Variants in ATRN observed in about 807,000 individuals in gnomAD.
The protein encoded by ATRN is attractin.
Under a neutral mutation model 178.7 loss-of-function variants are expected in ATRN, and 54 were observed. The observed-to-expected ratio is 0.30, with a 90% CI of 0.24 to 0.38. The LOEUF (loss-of-function observed/expected upper bound fraction) is 0.38. ATRN is among the 10% of genes least tolerant of loss of function. The probability of loss-of-function intolerance (pLI) is 1.00; values close to 1 mark genes in which losing one functional copy is unlikely to be tolerated. For missense variants in ATRN, 1,443 were observed against 1,815.1 expected (o/e 0.79, Z 3.73); for synonymous variants, 636 against 663.0 (o/e 0.96, Z 0.63).
intron 6 of ATRN, among the ~76,000 whole-genome samples, chr20:3,554,937 G>A (rs117485040): frequency 0.02 from 2,857 of 145,544 alleles, 95 homozygotes; most frequent in East Asian, 0.15. Context: ...TAGCATCACC[G>A]AATCCAATAA....
At chr20:3,510,479 G>T (rs1423436762) in intron 1 of ATRN, among the ~76,000 whole-genome samples, 7 of 152,068 alleles carry the variant, frequency 4.6e-5, no homozygotes, top group African/African-American at 1.4e-4. Flanking sequence ...GTAGTTTGCC[G>T]GTCCCTGATT....
chr20:3,631,804 T>A (rs1415509308), intron 25 of ATRN, among the ~76,000 whole-genome samples: 1 of 152,204 alleles, frequency 6.6e-6, no homozygotes, highest in Non-Finnish European at 1.5e-5. Flanking sequence ...TTCATGCTCT[T>A]CCTTGTGGAT....
intron 1 of ATRN, among the ~76,000 whole-genome samples, chr20:3,519,006 T>TA (rs577864057): frequency 0.031 from 3,724 of 119,468 alleles, 117 homozygotes; most frequent in Non-Finnish European, 0.04. Context: ...TCCTTATATA[T>TA]AAAAAAAAAA....
At chr20:3,598,225 C>T (rs1010836357) in intron 22 of ATRN, among the ~76,000 whole-genome samples, 1 of 152,204 alleles carries the variant, frequency 6.6e-6, no homozygotes, top group African/African-American at 2.4e-5. Flanking sequence ...CACAGACTGA[C>T]ATTGATTCCA....
At chr20:3,581,622 A>T (rs967244468) in intron 15 of ATRN, among the ~76,000 whole-genome samples, 8 of 150,812 alleles carry the variant, frequency 5.3e-5, no homozygotes, top group Non-Finnish European at 1.0e-4. Context: ...TTCCTTCAGC[A>T]TCCATCATGT....
intron 1 of ATRN, among the ~76,000 whole-genome samples, chr20:3,473,094 C>T (rs1369232686): frequency 1.3e-5 from 2 of 152,110 alleles, no homozygotes. Flanking sequence ...TTCCATTAAC[C>T]TACATGTATT....
intron 11 of ATRN, among the ~76,000 whole-genome samples, chr20:3,570,647 G>A (rs2146238852): frequency 6.6e-6 from 1 of 152,114 alleles, no homozygotes; most frequent in East Asian, 1.9e-4. Context: ...GCCAGTGAGG[G>A]CATCTTTACA....
At chr20:3,503,055 T>C (rs2084985687) in intron 1 of ATRN, among the ~76,000 whole-genome samples, 1 of 151,862 alleles carries the variant, frequency 6.6e-6, no homozygotes, top group South Asian at 2.1e-4. Flanking sequence ...AAGAGACAAC[T>C]GGCAGCCTGG....
chr20:3,488,375 G>A (rs1600015555), intron 1 of ATRN, among the ~76,000 whole-genome samples: 1 of 150,684 alleles, frequency 6.6e-6, no homozygotes, highest in Non-Finnish European at 1.5e-5. Context: ...TGTGTGTGTG[G>A]TGCGAGGTTA....
intron 1 of ATRN, among the ~76,000 whole-genome samples, chr20:3,489,195 A>G (rs954305887): frequency 6.6e-6 from 1 of 152,174 alleles, no homozygotes; most frequent in Non-Finnish European, 1.5e-5. Context: ...TCCTGACCTC[A>G]AGTGATCTGC....
At chr20:3,598,146 G>A (rs1209090607) in intron 22 of ATRN, 146 bp downstream of exon 22, 3 of 569,344 alleles carry the variant, frequency 5.3e-6, no homozygotes, top group East Asian at 5.5e-5. Flanking sequence ...AGAAATGTTA[G>A]ACTCTACGTT....
At chr20:3,494,989 A>C (rs2084858878) in intron 1 of ATRN, among the ~76,000 whole-genome samples, 1 of 152,218 alleles carries the variant, frequency 6.6e-6, no homozygotes, top group Non-Finnish European at 1.5e-5. Flanking sequence ...GGATGGGTAT[A>C]GTAGAATGTC....
intron 8 of ATRN, among the ~76,000 whole-genome samples, chr20:3,561,528 A>G (rs540858168): frequency 6.6e-6 from 1 of 152,126 alleles, no homozygotes; most frequent in African/African-American, 2.4e-5. Context: ...GAAAAAAAAT[A>G]TTTGCCCAGC....
intron 13 of ATRN, 21 bp downstream of exon 13, chr20:3,575,969 G>A: frequency 6.2e-7 from 1 of 1,610,172 alleles, no homozygotes; most frequent in Non-Finnish European, 8.5e-7. Context: ...GTTTCTTAAA[G>A]ATTTCAGAAA....
In ATRN at chr20:3,549,305, T is replaced by C. The variant is rs147729396; in HGVS notation, c.1079T>C (p.Met360Thr). ...ATTATGTGGGTTGTTGGAGGATATA[T>C]GTTCAACCACTCAGATTATAACATG... ...GNIMWVVGGY[M>T]FNHSDYNMVL... The change falls in exon 6 of 29, where the codon ATG (methionine) becomes ACG (threonine). Residue 360 changes from methionine to threonine, a missense_variant. Around this residue, in one of 4 missense-constraint regions of ATRN, gnomAD observed 862 missense variants for 972.1 expected, o/e 0.89. Transcript: ENST00000262919. The C allele has an allele frequency of 3.6e-5, 58 of 1,606,706 alleles. 2 individuals carry two copies. The African/African-American group carries it at 6.0e-4, about 17-fold the overall frequency.
At chr20:3,537,932 A>G (rs1484554936) in intron 2 of ATRN, among the ~76,000 whole-genome samples, 5 of 145,640 alleles carry the variant, frequency 3.4e-5, no homozygotes, top group African/African-American at 1.3e-4. Flanking sequence ...TTTTATTATT[A>G]TTTTTTTCAT....
At chr20:3,474,988 C>T (rs1482071483) in intron 1 of ATRN, among the ~76,000 whole-genome samples, 2 of 147,042 alleles carry the variant, frequency 1.4e-5, no homozygotes, top group African/African-American at 5.1e-5. Flanking sequence ...GCCGAGATTG[C>T]GCCATTGCAC....
At chr20:3,481,892 A>G (rs1204848891) in intron 1 of ATRN, among the ~76,000 whole-genome samples, 1 of 144,964 alleles carries the variant, frequency 6.9e-6, no homozygotes, top group Non-Finnish European at 1.5e-5. Flanking sequence ...TTTGTATTTT[A>G]AGAATTTTTT....
At chr20:3,510,672 C>T (rs574648438) in intron 1 of ATRN, among the ~76,000 whole-genome samples, 10 of 152,178 alleles carry the variant, frequency 6.6e-5, no homozygotes, top group South Asian at 2.1e-4. Flanking sequence ...AAGGGGTGTT[C>T]TTCTTAGATC....
Sources: gnomAD v4.1 joint callset for allele counts (sites outside exome capture counted in the v4.1 genomes callset) on GRCh38, gnomAD v4.1.1 for gene constraint, gnomAD v4.1.1 regional missense constraint, MANE v1.5 for transcripts, NCBI Gene and HGNC (gene_info 2026-07-23, HGNC 2026-07-21) for gene names.